Variants in DZIP3 observed in about 807,000 individuals in gnomAD.
The protein encoded by DZIP3 is E3 ubiquitin-protein ligase DZIP3.
A neutral mutation model predicts 162.0 loss-of-function variants in DZIP3; 118 were observed. The observed-to-expected ratio is 0.73, with a 90% CI of 0.63 to 0.85. The LOEUF (loss-of-function observed/expected upper bound fraction) is 0.85. Among genes scored for constraint, DZIP3 ranks in the 40% least tolerant of loss-of-function variants. DZIP3 has a pLI of 0.00. For missense variants in DZIP3, 1,331 were observed against 1,407.0 expected, an observed-to-expected ratio of 0.95 and a Z score of 0.86; for synonymous variants, 438 against 458.6, an observed-to-expected ratio of 0.96 and a Z score of 0.57.
rs981166774 is a variant in DZIP3 at position 108,688,833 on chromosome 3, A to G, written c.3425A>G (p.Glu1142Gly). 1 of 1,614,086 alleles carries G rather than the reference A, an allele frequency of 6.2e-7. No individual in the cohort carries two copies. The highest frequency in any genetic ancestry group is 8.5e-7 in the Non-Finnish European group (1 of 1,180,048). The change falls in exon 31 of 33, where the codon GAG (glutamate) becomes GGG (glycine). Residue 1142 changes from glutamate (E) to glycine (G), a missense_variant. By Grantham distance (98) the Glu-to-Gly change is moderately conservative. Coordinates refer to ENST00000361582, the MANE Select transcript of DZIP3 (RefSeq NM_014648.4). ...WEGASNPDEE[E>G]EEEEPCVICH... ...CTGTATTTTCCCTAGGATGAGGAAG[A>G]GGAAGAAGAAGAGCCTTGTGTGATC...
chr3:108,672,831 CAT>C (rs1472661381), intron 23 of DZIP3, among the ~76,000 whole-genome samples, 175 bp downstream of exon 23: 1 of 151,890 alleles, frequency 6.6e-6, no homozygotes, highest in African/African-American at 2.4e-5. Flanking sequence ...ATTGGCAAAT[CAT>C]GTGTGAATAC....
intron 26 of DZIP3, among the ~76,000 whole-genome samples, chr3:108,682,092 A>G (rs970824585): frequency 6.6e-6 from 1 of 150,944 alleles, no homozygotes; most frequent in Non-Finnish European, 1.5e-5. Flanking sequence ...AGAAAAAAAA[A>G]GAACAGCTAT....
chr3:108,687,514 T>C (rs1017553163), intron 28 of DZIP3, among the ~76,000 whole-genome samples: 19 of 152,268 alleles, frequency 1.2e-4, no homozygotes, highest in African/African-American at 3.8e-4. Flanking sequence ...CTGTTCTGTT[T>C]AATCTTTGTT....
At chr3:108,613,118 T>G (rs1015925209) in intron 4 of DZIP3, among the ~76,000 whole-genome samples, 1 of 152,040 alleles carries the variant, frequency 6.6e-6, no homozygotes, top group Non-Finnish European at 1.5e-5. Flanking sequence ...AGTAAAACTT[T>G]CTAAAACTCT....
chr3:108,608,947 C>G (rs114966217), intron 3 of DZIP3, among the ~76,000 whole-genome samples: 1,987 of 152,194 alleles, frequency 0.013, 42 homozygotes, highest in African/African-American at 0.046. Context: ...GGGTAGTCCT[C>G]AAGAAACTTA....
Position 108,631,055 on chromosome 3 carries a change from A to ACTCTCTCTCTCTCTCTCTCTCT in DZIP3, c.697-1880_697-1859dup, listed in dbSNP as rs1270598841. ...CACACACACACACACACACACACACACTCTCTCTCTCTCTCTCTCTCTCTC... is the reference window on the plus strand; with the variant it reads ...CACACACACACACACACACACACACACTCTCTCTCTCTCTCTCTCTCTCTCTCTCTCTCTCTCTCTCTCTCTC... On this transcript the variant is annotated intron_variant, in intron 8 of 32. Coordinates refer to ENST00000361582, the MANE Select transcript of DZIP3 (RefSeq NM_014648.4). 1.4e-3 allele frequency among the ~76,000 whole-genome samples: 26 copies of ACTCTCTCTCTCTCTCTCTCTCT among 17,984 alleles called. 1 individual carries two copies. The highest frequency in any genetic ancestry group is 7.6e-3 in the East Asian group (3 of 394). The allele number at this position is 17,984 out of a possible 152,430, so 11.8% of individuals were successfully genotyped here.
At chr3:108,664,156 C>T (rs1459310636) in intron 21 of DZIP3, among the ~76,000 whole-genome samples, 2 of 152,156 alleles carry the variant, frequency 1.3e-5, no homozygotes, top group East Asian at 3.8e-4. Context: ...CTTTGCCTCC[C>T]ATATATCTCG....
chr3:108,643,491 T>A (rs1329204348), intron 13 of DZIP3, among the ~76,000 whole-genome samples: 1 of 151,804 alleles, frequency 6.6e-6, no homozygotes, highest in Non-Finnish European at 1.5e-5. Context: ...GGCCTGAGAC[T>A]GTGCTTTCCT....
Position 108,675,778 on chromosome 3 carries a change from T to C in DZIP3, c.2694-8T>C, listed in dbSNP as rs1367776738. 1 of 1,592,112 alleles carries C rather than the reference T, an allele frequency of 6.3e-7. No individual in the cohort carries two copies. Among genetic ancestry groups the C allele is most frequent in the East Asian group, 2.2e-5 (1 of 44,496 alleles). On this transcript the variant is annotated splice_polypyrimidine_tract_variant and splice_region_variant and intron_variant, in intron 24 of 32. Coordinates refer to ENST00000361582, the MANE Select transcript of DZIP3 (RefSeq NM_014648.4). ...GAGTTTTCTTTTGTGTCTCCTTTTCTACAACAGCAACCTAGAATCACTTCA... is the reference window on the plus strand; with the variant it reads ...GAGTTTTCTTTTGTGTCTCCTTTTCCACAACAGCAACCTAGAATCACTTCA...
intron 26 of DZIP3, among the ~76,000 whole-genome samples, chr3:108,679,605 C>T (rs527785960): frequency 2.6e-5 from 4 of 152,178 alleles, no homozygotes; most frequent in East Asian, 1.9e-4. Flanking sequence ...CACCTAGAAA[C>T]GTTACAGTGC....
chr3:108,614,829 C>G (rs1326170973), intron 4 of DZIP3, among the ~76,000 whole-genome samples: 1 of 152,162 alleles, frequency 6.6e-6, no homozygotes, highest in African/African-American at 2.4e-5. Flanking sequence ...GTTGTGATAA[C>G]CGCAGTGGCC....
chr3:108,628,047 T>A (rs1005225295), intron 7 of DZIP3, among the ~76,000 whole-genome samples: 2 of 151,992 alleles, frequency 1.3e-5, no homozygotes, highest in Non-Finnish European at 2.9e-5. Flanking sequence ...CCTGGCTCAT[T>A]TTTGTATTTT....
intron 12 of DZIP3, among the ~76,000 whole-genome samples, chr3:108,641,291 A>AT (rs1942388666): frequency 6.6e-6 from 1 of 151,814 alleles, no homozygotes; most frequent in Admixed American, 6.6e-5. Context: ...GTGTAGTTTA[A>AT]TTTTTTCTGT....
At chr3:108,642,535 G>A in intron 13 of DZIP3, 21 bp downstream of exon 13, 1 of 1,429,348 alleles carries the variant, frequency 7.0e-7, no homozygotes, top group East Asian at 2.7e-5. Context: ...ATTTTTATAT[G>A]CCTTCTGTTG....
chr3:108,618,925 G>T (rs1941169735), intron 5 of DZIP3, among the ~76,000 whole-genome samples: 1 of 151,760 alleles, frequency 6.6e-6, no homozygotes, highest in African/African-American at 2.4e-5. Flanking sequence ...GCCAGGTGTG[G>T]TGGCATGCGC....
intron 24 of DZIP3, 48 bp from the exon 25 acceptor site, chr3:108,675,738 T>G: frequency 6.6e-7 from 1 of 1,521,636 alleles, no homozygotes; most frequent in African/African-American, 1.4e-5. Context: ...GAAACCTAAG[T>G]GTTATAAAAA....
intron 9 of DZIP3, among the ~76,000 whole-genome samples, chr3:108,634,572 T>C (rs192929748): frequency 6.6e-6 from 1 of 152,242 alleles, no homozygotes; most frequent in East Asian, 1.9e-4. Flanking sequence ...GTAGGTAGCA[T>C]GTTCCTCTGT....
At chr3:108,615,478 A>T (rs1940954801) in intron 4 of DZIP3, among the ~76,000 whole-genome samples, 1 of 152,192 alleles carries the variant, frequency 6.6e-6, no homozygotes, top group Non-Finnish European at 1.5e-5. Context: ...TACCTAGAGA[A>T]CATGTATTGA....
intron 21 of DZIP3, 58 bp from the exon 22 acceptor site, chr3:108,669,623 A>G: frequency 6.6e-7 from 1 of 1,508,194 alleles, no homozygotes; most frequent in Non-Finnish European, 9.1e-7. Context: ...AGCTCTTCTG[A>G]CTGTGTTAAT....
Sources: gnomAD v4.1 joint callset for allele counts (sites outside exome capture counted in the v4.1 genomes callset) on GRCh38, gnomAD v4.1.1 for gene constraint, MANE v1.5 for transcripts, NCBI Gene and HGNC (gene_info 2026-07-23, HGNC 2026-07-21) for gene names.